CFAP65: variants seen among roughly 807,000 people sequenced by gnomAD.
CFAP65 encodes cilia and flagella associated protein 65, also known as cilia- and flagella-associated protein 65.
Under a neutral mutation model 208.0 loss-of-function variants are expected in CFAP65, and 155 were observed. The ratio of observed to expected loss-of-function variants is 0.75; its 90% CI spans 0.65 to 0.85. CFAP65 has a LOEUF of 0.85. CFAP65 is among the 40% of genes least tolerant of loss of function. The pLI, the probability that CFAP65 is intolerant of heterozygous loss-of-function variation, is 0.00. For synonymous variants in CFAP65, 970 were observed against 986.3 expected (o/e 0.98, Z 0.31); for missense variants, 2,294 against 2,451.3 (o/e 0.94, Z 1.36).
chr2:219,024,479 G>T (rs1357086056), intron 14 of CFAP65, among the ~76,000 whole-genome samples: 4 of 138,014 alleles, frequency 2.9e-5, no homozygotes, highest in African/African-American at 8.1e-5. Context: ...AAGGGGCGGG[G>T]GGGGGGCAGG....
Position 219,019,050 on chromosome 2 carries a change from C to A in CFAP65, c.3602+1G>T, listed in dbSNP as rs141745438. On this transcript the variant is annotated splice_donor_variant, in intron 21 of 34. Transcript: ENST00000341552. LOFTEE classifies it high-confidence loss of function. The stretch of plus-strand genomic sequence containing the variant: ...CCCCAGTGGCCCCCTTCAAGCCATA[C>A]CAGTCCAGGGACACCACTCCGCTGT... The A allele has an allele frequency of 1.5e-5, 24 of 1,614,114 alleles. No individual in the cohort carries two copies. The highest frequency in any genetic ancestry group is 1.7e-5 in the Non-Finnish European group (20 of 1,180,046).
rs182011476 is a variant in CFAP65, at chr2:219,032,384, G to A, written c.645+86C>T. On this transcript the variant is annotated intron_variant, in intron 6 of 34. Coordinates refer to ENST00000341552, the MANE Select transcript of CFAP65 (RefSeq NM_194302.4). This position sits in a 1 kb window ranked among gnomAD's most constrained non-coding sequence, Gnocchi z 5.5. ...GGGCAGCATGTGTGTGTGCCGGGGC[G>A]CTCCTGGTTGCTCTGTCCTGTTTTC... The A allele has an allele frequency of 1.6e-5, 19 of 1,179,350 alleles. No individual in the cohort carries two copies. The highest frequency in any genetic ancestry group is 7.8e-5 in the East Asian group (3 of 38,518). The allele number at this position is 1,179,350 out of a possible 1,614,324, so 73.1% of individuals were successfully genotyped here.
Position 219,032,483 on chromosome 2 carries a change from C to A in CFAP65, c.632G>T (p.Arg211Leu). ...GITLTLPIVF[R>L]PLEAKEYMDQ... ...GGCAGACCTTACCGCCTCCAGAGGC[C>A]GGAAGACGATGGGGAGCGTGAGGGT... The change falls in exon 6 of 35, where the codon CGG becomes CTG. Residue 211 changes from arginine to leucine, a missense_variant. Arg to Leu is a moderately radical substitution (Grantham distance 102, BLOSUM62 -2). Transcript: ENST00000341552. This position sits in a 1 kb window ranked among gnomAD's most constrained non-coding sequence, Gnocchi z 5.5. The A allele has an allele frequency of 6.3e-7, 1 of 1,596,502 alleles. No individual in the cohort carries two copies. Among genetic ancestry groups the A allele is most frequent in the South Asian group, 1.1e-5 (1 of 87,686 alleles).
chr2:219,036,548 G>C (rs139840420), intron 4 of CFAP65, among the ~76,000 whole-genome samples: 2,488 of 151,860 alleles, frequency 0.016, 81 homozygotes, highest in African/African-American at 0.057. Flanking sequence ...AGGTTCAAGT[G>C]ATTTTCTCGC....
intron 29 of CFAP65, among the ~76,000 whole-genome samples, chr2:219,007,535 T>C (rs1400470772): frequency 6.6e-6 from 1 of 151,938 alleles, no homozygotes; most frequent in African/African-American, 2.4e-5. Flanking sequence ...GAGCAGTGAG[T>C]CTCTGGGGGT....
At chr2:219,022,653 T>C (rs142116544) in intron 16 of CFAP65, among the ~76,000 whole-genome samples, 49 of 152,320 alleles carry the variant, frequency 3.2e-4, no homozygotes, top group Middle Eastern at 3.4e-3. Flanking sequence ...CCACAGGCTA[T>C]GAGGCCTCTT....
chr2:219,029,296 C>A, intron 11 of CFAP65, 107 bp downstream of exon 11: 1 of 1,411,602 alleles, frequency 7.1e-7, no homozygotes, highest in African/African-American at 1.4e-5. Context: ...AGGCAGACAG[C>A]CCTAGAAGTT....
chr2:219,005,689 C>T, intron 31 of CFAP65, 127 bp from the exon 32 acceptor site: 1 of 1,102,496 alleles, frequency 9.1e-7, no homozygotes, highest in Non-Finnish European at 1.3e-6. Context: ...CAGCCTTAAC[C>T]CAAATGTAGT....
chr2:219,031,435 G>C lies in CFAP65; in HGVS notation c.815+54C>G. The C allele has an allele frequency of 6.2e-7, 1 of 1,612,948 alleles. No homozygotes were observed. The highest frequency in any genetic ancestry group is 8.5e-7 in the Non-Finnish European group (1 of 1,179,306). On this transcript the variant is annotated intron_variant, in intron 7 of 34. Transcript: ENST00000341552. This position sits in a 1 kb window ranked among gnomAD's most constrained non-coding sequence, Gnocchi z 5.2. ...GGTATGCCTGTCTCTCCTGCTTCCA[G>C]ACACCCTCCTCACAGCTCTTGCTCT... is the stretch of plus-strand genomic sequence containing the variant.
At chr2:219,029,806 G>T in intron 10 of CFAP65, 138 bp from the exon 11 acceptor site, 2 of 1,184,458 alleles carry the variant, frequency 1.7e-6, no homozygotes, top group Admixed American at 2.3e-5. Context: ...ATCACTGGAT[G>T]CCAGTGGGAC....
rs1025899212 is a variant in CFAP65 at position 219,031,723 on chromosome 2, C to A, written c.646-65G>T. Reference sequence around the variant, plus strand: ...GGCATTCAGGGACTGCACATCCCGCCCACCCTCAGCCACCCCCAACACAAC... The same window carrying A: ...GGCATTCAGGGACTGCACATCCCGCACACCCTCAGCCACCCCCAACACAAC... On this transcript the variant is annotated intron_variant, in intron 6 of 34. Coordinates refer to ENST00000341552, the MANE Select transcript of CFAP65 (RefSeq NM_194302.4). This position sits in a 1 kb window ranked among gnomAD's most constrained non-coding sequence, Gnocchi z 5.2. 5.9e-6 allele frequency: 9 copies of A among 1,530,142 alleles called. No individual in the cohort carries two copies. Among genetic ancestry groups the A allele is most frequent in the Non-Finnish European group, 7.0e-6 (8 of 1,134,772 alleles). The allele number at this position is 1,530,142 out of a possible 1,614,324, so 94.8% of individuals were successfully genotyped here.
At chr2:219,020,111 T>C (rs1418083556) in intron 19 of CFAP65, among the ~76,000 whole-genome samples, 1 of 151,948 alleles carries the variant, frequency 6.6e-6, no homozygotes, top group East Asian at 1.9e-4. Flanking sequence ...TTTAGAAAAT[T>C]TTCATCATCC....
intron 27 of CFAP65, among the ~76,000 whole-genome samples, 159 bp from the exon 28 acceptor site, chr2:219,009,619 A>AATGGGATGGGATGGGATGGG (rs58969836): frequency 9.9e-6 from 1 of 101,226 alleles, no homozygotes; most frequent in African/African-American, 6.4e-5. Flanking sequence ...GACAAGATGG[A>AATGGGATGGGATGGGATGGG]ATGGGATGGG....
At position 219,039,011 on chromosome 2, in the gene CFAP65, G is replaced by A. The variant is rs757744179; in HGVS notation, c.38C>T (p.Thr13Ile). 11 of 1,613,338 alleles carry A rather than the reference G, an allele frequency of 6.8e-6. No homozygotes were observed. The highest frequency in any genetic ancestry group is 4.4e-5 in the South Asian group (4 of 90,978). The change falls in exon 3 of 35, where the codon ACC becomes ATC. Residue 13 changes from threonine to isoleucine, a missense_variant. Coordinates refer to ENST00000341552, the MANE Select transcript of CFAP65 (RefSeq NM_194302.4). ...TLTGCRLVEK[T>I]QKVENPSVSF... ...GACTGATGGATTCTCCACCTTCTGGGTTTTCTCCACCAGTCTACAACCGGT... is the reference window on the plus strand; with the variant it reads ...GACTGATGGATTCTCCACCTTCTGGATTTTCTCCACCAGTCTACAACCGGT...
chr2:219,016,599 C>A (rs1307145331), intron 21 of CFAP65, among the ~76,000 whole-genome samples: 1 of 152,140 alleles, frequency 6.6e-6, no homozygotes. Flanking sequence ...CTGGCCCAGT[C>A]TCCCTTGTAA....
At position 219,031,246 on chromosome 2, in the gene CFAP65, G is replaced by A. The variant is rs137890879; in HGVS notation, c.875C>T (p.Thr292Met). ...GGCCTGGCCTGGCTCCAGGAGCCCC[G>A]TGGCGGGCAGCATCTGGAATGGGCT... ...FSSPFQMLPA[T>M]GLLEPGQASQ... Residue 292 changes from threonine to methionine, a missense_variant, in exon 8 of 35, where the codon ACG becomes ATG. Thr to Met is a moderately conservative substitution (Grantham distance 81, BLOSUM62 -1). Coordinates refer to ENST00000341552, the MANE Select transcript of CFAP65 (RefSeq NM_194302.4). The surrounding 1 kb of genome is among the most constrained non-coding windows in gnomAD (Gnocchi z 5.2). The A allele has an allele frequency of 3.5e-4, 561 of 1,613,828 alleles. No individual in the cohort carries two copies. The highest frequency in any genetic ancestry group is 6.6e-4 in the Middle Eastern group (4 of 6,062).
Position 219,013,021 on chromosome 2 carries a change from A to AG in CFAP65, c.3957+237_3957+238insC, listed in dbSNP as rs1198517816. On this transcript the variant is annotated intron_variant, in intron 24 of 34. Transcript: ENST00000341552. ...GAACATTTTGCTAAAGGAAAAAAAA[A>AG]TCCTCATTTTTTAATTGGAACTGGG... Among the ~76,000 whole-genome samples the AG allele has an allele frequency of 3.3e-5, 5 of 152,172 alleles. No homozygotes were observed. The East Asian group carries it at 9.6e-4, about 29-fold the overall frequency.
intron 5 of CFAP65, chr2:219,034,529 AGTT>A (rs1287300172): frequency 1.3e-5 from 2 of 152,212 alleles, no homozygotes; most frequent in African/African-American, 2.4e-5. Flanking sequence ...AGACTGATAA[AGTT>A]GATACCTTTA....
intron 30 of CFAP65, 70 bp downstream of exon 30, chr2:219,006,395 T>A: frequency 6.3e-7 from 1 of 1,579,732 alleles, no homozygotes; most frequent in Non-Finnish European, 8.7e-7. Context: ...GGGTTGGAGG[T>A]CTCTCTGGGA....
Sources: gnomAD v4.1 joint callset for allele counts (sites outside exome capture counted in the v4.1 genomes callset) on GRCh38, gnomAD v4.1.1 for gene constraint, Gnocchi (gnomAD v3.1) non-coding constraint, MANE v1.5 for transcripts, NCBI Gene and HGNC (gene_info 2026-07-23, HGNC 2026-07-21) for gene names.